The following LIM2 variants were observed in gnomAD, a reference collection of about 807,000 sequenced individuals.
LIM2 encodes lens intrinsic membrane protein 2, also known as lens fiber membrane intrinsic protein.
LIM2 carries 14 observed loss-of-function variants against 19.0 expected under a neutral mutation model. The ratio of observed to expected loss-of-function variants is 0.74; its 90% CI spans 0.49 to 1.15. The LOEUF (loss-of-function observed/expected upper bound fraction) is 1.15, where lower values mean the gene tolerates loss of function less well. Ranked by LOEUF, LIM2 falls within the 50% of genes most tolerant of loss-of-function variation. The pLI, the probability that LIM2 is intolerant of heterozygous loss-of-function variation, is 0.00. For missense variants in LIM2, 230 were observed against 243.5 expected (o/e 0.94, Z 0.37); for synonymous variants, 78 against 89.6 (o/e 0.87, Z 0.73).
Position 51,387,300 on chromosome 19 carries a change from GCC to G in LIM2, c.142_143del (p.Gly48GlnfsTer117). On this transcript the variant is annotated frameshift_variant, in exon 2 of 5. Coordinates refer to ENST00000596399, the MANE Select transcript of LIM2 (RefSeq NM_001161748.2). LOFTEE classifies it high-confidence loss of function. ...TGTCTGTCTGCAGGTAGCACTTGTT[GCC>G]CAGGCAGTACCGCCACAGGCCCTGG... ...AHQGLWRYCL[G>X]NKCYLQTDSI... 1 of 1,614,148 alleles carries G rather than the reference GCC, an allele frequency of 6.2e-7. No homozygotes were observed. Among genetic ancestry groups the G allele is most frequent in the Non-Finnish European group, 8.5e-7 (1 of 1,180,040 alleles).
In LIM2 at chr19:51,382,525, A is replaced by T. The variant is rs377256427; in HGVS notation, c.218T>A (p.Leu73Gln). 5.0e-6 allele frequency: 8 copies of T among 1,613,798 alleles called. No individual in the cohort carries two copies. The African/African-American group carries it at 1.1e-4, about 22-fold the overall frequency. ...CATGATGATGCCGGAGATGGCGCAT[A>T]GGGCAGACAGGATCATGAAGGCCCG... is the stretch of plus-strand genomic sequence containing the variant. ...ATRAFMILSA[L>Q]CAISGIIMGI... Residue 73 changes from leucine to glutamine, a missense_variant, in exon 3 of 5, where the codon CTA becomes CAA. By Grantham distance (113) the Leu-to-Gln change is moderately radical. Transcript: ENST00000596399.
chr19:51,387,938 C>T lies in LIM2; in HGVS notation c.-26G>A, dbSNP rs1987129061. The T allele has an allele frequency of 5.3e-6, 1 of 189,698 alleles. No individual in the cohort carries two copies. The highest frequency in any genetic ancestry group is 2.4e-5 in the African/African-American group (1 of 42,176). 11.8% of individuals were successfully genotyped at this position (189,698 alleles called of 1,614,324 possible). ...GCCTACCTGAGTGGCAGAGCCTGCC[C>T]GAGCCCTCCTTCTGCCACGGCCCCT... is the stretch of plus-strand genomic sequence containing the variant. On this transcript the variant is annotated 5_prime_UTR_variant, in exon 1 of 5. Coordinates refer to ENST00000596399, the MANE Select transcript of LIM2 (RefSeq NM_001161748.2).
intron 3 of LIM2, among the ~76,000 whole-genome samples, chr19:51,382,003 C>T (rs756240389): frequency 2.6e-4 from 40 of 152,192 alleles, no homozygotes; most frequent in Non-Finnish European, 4.1e-4. Flanking sequence ...GCTGGAATTA[C>T]GGGCGTGAGC....
intron 3 of LIM2, among the ~76,000 whole-genome samples, chr19:51,382,154 G>A (rs754937503): frequency 9.2e-5 from 14 of 152,158 alleles, no homozygotes; most frequent in Non-Finnish European, 1.8e-4. Flanking sequence ...GTCTTGCTAG[G>A]GACTGTGGTC....
rs1986851092 is a variant in LIM2, at chr19:51,380,086, A to G, written c.*115T>C. On this transcript the variant is annotated 3_prime_UTR_variant, in exon 5 of 5. Coordinates refer to ENST00000596399, the MANE Select transcript of LIM2 (RefSeq NM_001161748.2). ...GCCTCCCCCCACAAACCCACAGTCCAGAACTGAGCCCCCTCATTCCCCTAG... is the reference window on the plus strand; with the variant it reads ...GCCTCCCCCCACAAACCCACAGTCCGGAACTGAGCCCCCTCATTCCCCTAG... 1.0e-6 allele frequency: 1 copy of G among 997,662 alleles called. No individual in the cohort carries two copies. The highest frequency in any genetic ancestry group is 2.0e-5 in the Admixed American group (1 of 50,180). 61.8% of individuals were successfully genotyped at this position (997,662 alleles called of 1,614,324 possible).
intron 3 of LIM2, among the ~76,000 whole-genome samples, chr19:51,382,092 A>C (rs1197939488): frequency 6.6e-6 from 1 of 152,212 alleles, no homozygotes; most frequent in Non-Finnish European, 1.5e-5. Flanking sequence ...GTGGATCAAA[A>C]GCATGGGTGG....
At chr19:51,387,233 C>T (rs780511087) in intron 2 of LIM2, 36 bp downstream of exon 2, 2 of 1,614,212 alleles carry the variant, frequency 1.2e-6, no homozygotes, top group Admixed American at 3.3e-5. Context: ...CTGCTCTTTC[C>T]CCAGGCGCGG....
At chr19:51,380,735 T>C (rs917368884) in intron 3 of LIM2, 96 bp from the exon 4 acceptor site, 20 of 1,136,918 alleles carry the variant, frequency 1.8e-5, no homozygotes, top group African/African-American at 1.2e-4. Flanking sequence ...GAACTAAGAT[T>C]GGGGAAAGGG....
chr19:51,380,680 TG>T, intron 3 of LIM2, 41 bp from the exon 4 acceptor site: 1 of 1,607,478 alleles, frequency 6.2e-7, no homozygotes, highest in Non-Finnish European at 8.5e-7. Flanking sequence ...GGACTAAGGC[TG>T]GGTGTGATTT....
chr19:51,382,018 G>A (rs1488913574), intron 3 of LIM2, among the ~76,000 whole-genome samples: 4 of 152,154 alleles, frequency 2.6e-5, no homozygotes, highest in African/African-American at 7.2e-5. Flanking sequence ...GTGAGCCATC[G>A]CACCCGGCCT....
intron 1 of LIM2, among the ~76,000 whole-genome samples, chr19:51,387,666 G>C (rs1242263592): frequency 6.6e-6 from 1 of 151,998 alleles, no homozygotes; most frequent in Non-Finnish European, 1.5e-5. Flanking sequence ...AACAGGGAGA[G>C]CGGGGCTGGG....
intron 2 of LIM2, among the ~76,000 whole-genome samples, chr19:51,384,493 G>A (rs1986979941): frequency 6.6e-6 from 1 of 152,164 alleles, no homozygotes; most frequent in South Asian, 2.1e-4. Context: ...TCTGGACACA[G>A]ACATGCTTTT....
chr19:51,384,052 G>C (rs528261207), intron 2 of LIM2, among the ~76,000 whole-genome samples: 2 of 152,262 alleles, frequency 1.3e-5, no homozygotes, highest in Admixed American at 6.5e-5. Context: ...TAGTGCCTTA[G>C]AATGGTAACT....
At chr19:51,383,224 G>A (rs986798873) in intron 2 of LIM2, among the ~76,000 whole-genome samples, 1 of 151,618 alleles carries the variant, frequency 6.6e-6, no homozygotes, top group Non-Finnish European at 1.5e-5. Context: ...TAGTAGAGAC[G>A]GCATTTTGCC....
intron 2 of LIM2, among the ~76,000 whole-genome samples, chr19:51,383,356 C>A (rs899600538): frequency 2.6e-5 from 4 of 151,996 alleles, no homozygotes; most frequent in Non-Finnish European, 5.9e-5. Flanking sequence ...TTATTTTATA[C>A]TACTTGCTTA....
At chr19:51,387,019 T>G in intron 2 of LIM2, 1 of 729,594 alleles carries the variant, frequency 1.4e-6, no homozygotes, top group Admixed American at 2.0e-5. Flanking sequence ...TTGCTGTGCA[T>G]GACACCTCTG....
intron 1 of LIM2, 109 bp downstream of exon 1, chr19:51,387,810 C>CT: frequency 3.2e-6 from 1 of 310,154 alleles, no homozygotes; most frequent in South Asian, 3.5e-5. Context: ...AAGGAAGGGG[C>CT]TAGGGGCTAG....
At chr19:51,385,202 T>C (rs916749520) in intron 2 of LIM2, among the ~76,000 whole-genome samples, 3 of 151,934 alleles carry the variant, frequency 2.0e-5, no homozygotes, top group Non-Finnish European at 4.4e-5. Flanking sequence ...TACAGTGAGA[T>C]GCTGTCTCTA....
Position 51,386,853 on chromosome 19 carries a change from ATCTC to A in LIM2, c.175+412_175+415del, listed in dbSNP as rs72310344. Among the ~76,000 whole-genome samples, 3,102 of 152,166 alleles carry A rather than the reference ATCTC, an allele frequency of 0.02. 113 individuals are homozygous for A. The highest frequency in any genetic ancestry group is 0.072 in the African/African-American group (2,983 of 41,508). ...AGCAATATACTATATATCTCTATGT[ATCTC>A]TCTATCTATGGCCTGGCACATTATA... On this transcript the variant is annotated intron_variant, in intron 2 of 4. Coordinates refer to ENST00000596399, the MANE Select transcript of LIM2 (RefSeq NM_001161748.2).
Sources: gnomAD v4.1 joint callset for allele counts (sites outside exome capture counted in the v4.1 genomes callset) on GRCh38, gnomAD v4.1.1 for gene constraint, MANE v1.5 for transcripts, NCBI Gene and HGNC (gene_info 2026-07-23, HGNC 2026-07-21) for gene names.